The following ENTPD5 variants were observed in gnomAD, a reference collection of about 807,000 sequenced individuals.
The protein encoded by ENTPD5 is nucleoside diphosphate phosphatase ENTPD5.
ENTPD5 carries 49 observed loss-of-function variants against 60.2 expected under a neutral mutation model. That is an observed-to-expected ratio of 0.81 (90% CI 0.65 to 1.03). The LOEUF (loss-of-function observed/expected upper bound fraction) is 1.03. Among genes scored for constraint, ENTPD5 ranks in the 50% least tolerant of loss-of-function variants. ENTPD5 has a pLI of 0.00. For missense variants in ENTPD5, 480 were observed against 507.6 expected (o/e 0.95, Z 0.52); for synonymous variants, 187 against 185.4 (o/e 1.01, Z -0.07).
At chr14:74,018,652 G>C (rs969505073) in intron 1 of ENTPD5, 9 of 152,166 alleles carry the variant, frequency 5.9e-5, no homozygotes, top group Non-Finnish European at 8.8e-5. Context: ...GGAAATCCGG[G>C]GGGCGGTCGT....
intron 4 of ENTPD5, 73 bp downstream of exon 4, chr14:73,987,813 G>T: frequency 1.4e-6 from 2 of 1,382,456 alleles, no homozygotes; most frequent in Non-Finnish European, 2.0e-6. Flanking sequence ...TAAACTCTCA[G>T]CATATTTGTT....
downstream of ENTPD5, chr14:73,961,662 TATATCTGG>T: frequency 6.2e-7 from 1 of 1,606,196 alleles, no homozygotes. Context: ...GGACATAAAA[TATATCTGG>T]CTTGCTAGGA....
Position 73,963,278 on chromosome 14 carries a change from C to T in ENTPD5, c.*3650G>A, listed in dbSNP as rs1021807776. On this transcript the variant is annotated 3_prime_UTR_variant, in exon 16 of 16. Coordinates refer to ENST00000334696, the MANE Select transcript of ENTPD5 (RefSeq NM_001249.5). ...TACTAAAAAACCCACAAGGTGCTGT[C>T]TCACTCATTTCCAGTTAATCATTTC... is the stretch of plus-strand genomic sequence containing the variant. 1 of 521,016 alleles carries T rather than the reference C, an allele frequency of 1.9e-6. No homozygotes were observed. 32.3% of individuals were successfully genotyped at this position (521,016 alleles called of 1,614,324 possible).
chr14:73,980,838 CT>C (rs2057656759), intron 6 of ENTPD5, among the ~76,000 whole-genome samples: 2 of 152,144 alleles, frequency 1.3e-5, no homozygotes, highest in Admixed American at 1.3e-4. Flanking sequence ...TGGCTCATGC[CT>C]GTAATCCCAG....
intron 6 of ENTPD5, among the ~76,000 whole-genome samples, chr14:73,978,597 G>A (rs956727172): frequency 3.9e-5 from 5 of 128,602 alleles, no homozygotes. Flanking sequence ...GTGAGACTCT[G>A]TCTCAAACAA....
At chr14:73,960,311 A>G (rs1237335597), downstream of ENTPD5, 6 of 986,078 alleles carry the variant, frequency 6.1e-6, no homozygotes, top group Middle Eastern at 5.2e-4. Context: ...TGTAAAATCC[A>G]TGGAACATCT....
Position 74,003,391 on chromosome 14 carries a change from GCAT to G in ENTPD5, c.-71+7697_-71+7699del, listed in dbSNP as rs1223015352. ...TAGCGCCATTTTCTTGGAAACCTCT[GCAT>G]CATGAGAGCTAAGTGGAGGAAAAAG... is the stretch of plus-strand genomic sequence containing the variant. On this transcript the variant is annotated intron_variant, in intron 3 of 15. Coordinates refer to ENST00000334696, the MANE Select transcript of ENTPD5 (RefSeq NM_001249.5). The G allele has an allele frequency of 2.8e-5, 20 of 712,424 alleles. No individual in the cohort carries two copies. The African/African-American group carries it at 2.8e-4, about 10-fold the overall frequency. The allele number at this position is 712,424 out of a possible 1,614,324, so 44.1% of individuals were successfully genotyped here. A position where few individuals can be genotyped will look rare whatever the true frequency, so the allele number is the denominator to read the frequency against.
chr14:74,017,508 G>T (rs1182513735), intron 1 of ENTPD5, among the ~76,000 whole-genome samples: 4 of 151,658 alleles, frequency 2.6e-5, no homozygotes, highest in Non-Finnish European at 5.9e-5. Flanking sequence ...GAACTGGGAG[G>T]TGGAGGTTGC....
chr14:73,982,454 T>C lies in ENTPD5; in HGVS notation c.441+564A>G, dbSNP rs577732086. On this transcript the variant is annotated intron_variant, in intron 6 of 15. Transcript: ENST00000334696. The stretch of plus-strand genomic sequence containing the variant: ...ACGACTTCTGATTCTGCTTTAAAAA[T>C]CTAAAAGAATGAAGAATATCAGCCA... 1.1e-3 allele frequency among the ~76,000 whole-genome samples: 172 copies of C among 152,118 alleles called. 1 individual carries two copies. Among genetic ancestry groups the C allele is most frequent in the African/African-American group, 4.0e-3 (167 of 41,500 alleles).
At chr14:73,990,279 A>C (rs2058077755) in intron 3 of ENTPD5, among the ~76,000 whole-genome samples, 2 of 151,956 alleles carry the variant, frequency 1.3e-5, no homozygotes, top group Non-Finnish European at 2.9e-5. Flanking sequence ...TCTTCTTTCC[A>C]TTTTGATGAT....
chr14:73,969,871 C>A, intron 15 of ENTPD5, 139 bp downstream of exon 15: 1 of 622,848 alleles, frequency 1.6e-6, no homozygotes, highest in Non-Finnish European at 2.9e-6. Flanking sequence ...TGGTGCCCAG[C>A]ACAGTACCTT....
chr14:73,959,014 G>C (rs1052693114), downstream of ENTPD5: 2 of 1,614,148 alleles, frequency 1.2e-6, no homozygotes, highest in African/African-American at 2.7e-5. Context: ...CAGGCTGTTG[G>C]AATCCAGAAT....
At chr14:73,994,293 T>A (rs1465129066) in intron 3 of ENTPD5, among the ~76,000 whole-genome samples, 1 of 151,780 alleles carries the variant, frequency 6.6e-6, no homozygotes, top group African/African-American at 2.4e-5. Flanking sequence ...ACCTGGCTAA[T>A]TTTTTGTATT....
intron 4 of ENTPD5, among the ~76,000 whole-genome samples, chr14:73,987,410 G>A (rs915448063): frequency 1.3e-5 from 2 of 152,212 alleles, no homozygotes; most frequent in African/African-American, 4.8e-5. Flanking sequence ...TTCTGGCCAA[G>A]CATGGTGACT....
downstream of ENTPD5, chr14:73,959,295 T>C (rs769227613): frequency 1.2e-6 from 2 of 1,614,168 alleles, no homozygotes; most frequent in South Asian, 2.2e-5. Context: ...CTCAGCCTTT[T>C]TCTGGTTTCA....
Position 73,976,019 on chromosome 14 carries a change from C to T in ENTPD5, c.643-4G>A. ...TAGGAGTTTGTTCCAGAGTTTTCTG[C>T]AAATCAGAAAAAGCAAAAAGACTAT... is the stretch of plus-strand genomic sequence containing the variant. On this transcript the variant is annotated splice_region_variant and splice_polypyrimidine_tract_variant and intron_variant, in intron 9 of 15. Transcript: ENST00000334696. The T allele has an allele frequency of 1.2e-6, 2 of 1,611,058 alleles. No homozygotes were observed. Among genetic ancestry groups the T allele is most frequent in the Non-Finnish European group, 1.7e-6 (2 of 1,178,438 alleles).
rs2056964828 is a variant in ENTPD5, at chr14:73,966,220, A to T, written c.*708T>A. On this transcript the variant is annotated 3_prime_UTR_variant, in exon 16 of 16. Coordinates refer to ENST00000334696, the MANE Select transcript of ENTPD5 (RefSeq NM_001249.5). The stretch of plus-strand genomic sequence containing the variant: ...TTCATTAATCCCAGAGTTGACTGAT[A>T]AAATGCTGATTAAAGCAAAGGTAGG... The T allele has an allele frequency of 1.3e-5, 2 of 152,214 alleles. No homozygotes were observed. Among genetic ancestry groups the T allele is most frequent in the Admixed American group, 1.3e-4 (2 of 15,278 alleles). 9.4% of individuals were successfully genotyped at this position (152,214 alleles called of 1,614,324 possible).
chr14:73,977,681 A>G (rs2057501310), intron 6 of ENTPD5, among the ~76,000 whole-genome samples: 1 of 152,182 alleles, frequency 6.6e-6, no homozygotes, highest in Non-Finnish European at 1.5e-5. Flanking sequence ...TCAAATCAGG[A>G]TCCTGTAACT....
At chr14:73,958,533 G>T, downstream of ENTPD5, 2 of 1,325,934 alleles carry the variant, frequency 1.5e-6, no homozygotes, top group Non-Finnish European at 9.7e-7. Context: ...CCAGAGTGTT[G>T]GGAATGGAGG....
Sources: gnomAD v4.1 joint callset for allele counts (sites outside exome capture counted in the v4.1 genomes callset) on GRCh38, gnomAD v4.1.1 for gene constraint, MANE v1.5 for transcripts, NCBI Gene and HGNC (gene_info 2026-07-23, HGNC 2026-07-21) for gene names.